Variants in ESR1 observed in about 807,000 individuals in gnomAD.
The protein encoded by ESR1 is estrogen receptor.
A neutral mutation model predicts 52.7 loss-of-function variants in ESR1; 12 were observed. The observed-to-expected ratio is 0.23, with a 90% CI of 0.15 to 0.37. ESR1 has a LOEUF of 0.37. Among genes scored for constraint, ESR1 ranks in the 10% least tolerant of loss-of-function variants. The pLI is 1.00. For synonymous variants in ESR1, 305 were observed against 316.8 expected, an observed-to-expected ratio of 0.96 and a Z score of 0.39; for missense variants, 584 against 779.7, an observed-to-expected ratio of 0.75 and a Z score of 2.99.
chr6:151,703,687 C>T (rs1475001405), intron 2 of ESR1, among the ~76,000 whole-genome samples: 1 of 152,160 alleles, frequency 6.6e-6, no homozygotes, highest in Non-Finnish European at 1.5e-5. Context: ...TTCCATCTGG[C>T]TGAGGCTGAA....
intron 4 of ESR1, among the ~76,000 whole-genome samples, chr6:151,955,856 T>A (rs2036847868): frequency 6.6e-6 from 1 of 152,188 alleles, no homozygotes; most frequent in African/African-American, 2.4e-5. Flanking sequence ...AGTATTTTTT[T>A]TTCCGAACCT....
At chr6:152,068,263 T>G (rs2048124263) in intron 6 of ESR1, among the ~76,000 whole-genome samples, 2 of 152,240 alleles carry the variant, frequency 1.3e-5, no homozygotes, top group Admixed American at 1.3e-4. Flanking sequence ...CATTTATGCA[T>G]TTTGTTTGCT....
At chr6:152,040,515 TTC>T (rs1458651121) in intron 5 of ESR1, among the ~76,000 whole-genome samples, 1 of 152,240 alleles carries the variant, frequency 6.6e-6, no homozygotes. Context: ...CCAATCATGC[TTC>T]TTTCAAGTCC....
chr6:151,865,300 T>A (rs1285924778), intron 2 of ESR1, among the ~76,000 whole-genome samples: 1 of 152,210 alleles, frequency 6.6e-6, no homozygotes, highest in Non-Finnish European at 1.5e-5. Context: ...CATATTGGTC[T>A]CACTCATTCA....
chr6:152,001,381 C>A (rs569524919), intron 4 of ESR1, among the ~76,000 whole-genome samples: 1 of 152,094 alleles, frequency 6.6e-6, no homozygotes, highest in South Asian at 2.1e-4. Context: ...GGCTAACTCA[C>A]TTTGTAACTA....
rs148163308 is a variant in ESR1, at chr6:151,793,945, C to T, written c.-70-13898C>T. On this transcript the variant is annotated intron_variant, in intron 2 of 2. Coordinates refer to the ESR1 transcript ENST00000404742. The stretch of plus-strand genomic sequence containing the variant: ...AATTCATGTACTTGCAATATAAAAA[C>T]ATATTTTAAAACATATTAGGAGAAT... Among the ~76,000 whole-genome samples the T allele has an allele frequency of 4.6e-3, 693 of 152,282 alleles. 3 individuals carry two copies. Among genetic ancestry groups the T allele is most frequent in the Non-Finnish European group, 6.8e-3 (465 of 68,014 alleles).
intron 3 of ESR1, among the ~76,000 whole-genome samples, chr6:151,900,702 T>C (rs1419719410): frequency 6.6e-6 from 1 of 152,182 alleles, no homozygotes; most frequent in Non-Finnish European, 1.5e-5. Context: ...CTGTAGTGAC[T>C]GTTATTTCTC....
chr6:151,686,284 TA>T (rs2115320887), upstream of ESR1, among the ~76,000 whole-genome samples: 1 of 152,224 alleles, frequency 6.6e-6, no homozygotes, highest in African/African-American at 2.4e-5. Flanking sequence ...TAAAAGACAG[TA>T]TACAGTGTCA....
chr6:151,900,841 A>C (rs1796566553), intron 3 of ESR1, among the ~76,000 whole-genome samples: 1 of 152,158 alleles, frequency 6.6e-6, no homozygotes, highest in Non-Finnish European at 1.5e-5. Context: ...GCTCTGATAG[A>C]GGTGGCAGGG....
At chr6:152,123,329 T>C (rs940125892) in intron 6 of ESR1, among the ~76,000 whole-genome samples, 3 of 152,226 alleles carry the variant, frequency 2.0e-5, no homozygotes, top group African/African-American at 7.2e-5. Context: ...ACACTGGTGT[T>C]GTATGATGTA....
At chr6:152,108,427 A>G (rs544467700) in intron 6 of ESR1, among the ~76,000 whole-genome samples, 28 of 152,370 alleles carry the variant, frequency 1.8e-4, no homozygotes, top group South Asian at 1.4e-3. Flanking sequence ...ATTGTTATAC[A>G]TCTTTGGTCA....
intron 4 of ESR1, among the ~76,000 whole-genome samples, chr6:152,006,758 C>A (rs538185034): frequency 6.6e-6 from 1 of 152,156 alleles, no homozygotes; most frequent in South Asian, 2.1e-4. Flanking sequence ...CAGGCAATTT[C>A]ATGACTGACA....
At chr6:151,789,133 G>A (rs1371738927) in intron 2 of ESR1, among the ~76,000 whole-genome samples, 4 of 152,144 alleles carry the variant, frequency 2.6e-5, no homozygotes, top group Non-Finnish European at 5.9e-5. Flanking sequence ...CCCAAAAGGT[G>A]AAGTGTTGGT....
chr6:151,858,601 A>G (rs1332781423), intron 2 of ESR1, among the ~76,000 whole-genome samples: 7 of 150,184 alleles, frequency 4.7e-5, no homozygotes, highest in Non-Finnish European at 1.0e-4. Context: ...TTTTTTTTAA[A>G]GCATTTTATC....
chr6:151,898,164 T>A (rs1795842801), intron 3 of ESR1, among the ~76,000 whole-genome samples: 1 of 152,184 alleles, frequency 6.6e-6, no homozygotes, highest in Admixed American at 6.5e-5. Context: ...CTTATGACAA[T>A]GTGCCTAGGC....
At chr6:151,942,102 C>A (rs995164072) in intron 3 of ESR1, among the ~76,000 whole-genome samples, 1 of 152,204 alleles carries the variant, frequency 6.6e-6, no homozygotes, top group Non-Finnish European at 1.5e-5. Context: ...GACATAGCAT[C>A]TCCCTTAATT....
intron 2 of ESR1, among the ~76,000 whole-genome samples, chr6:151,750,320 T>A (rs1486357552): frequency 6.6e-6 from 1 of 152,226 alleles, no homozygotes; most frequent in Non-Finnish European, 1.5e-5. Flanking sequence ...TGATAATCGA[T>A]GCTGTGTAAT....
chr6:152,017,208 A>G (rs1037618682), intron 5 of ESR1, among the ~76,000 whole-genome samples: 2 of 152,200 alleles, frequency 1.3e-5, no homozygotes, highest in African/African-American at 4.8e-5. Flanking sequence ...GTGTCCATTT[A>G]AAAAGAATGA....
Position 151,757,949 on chromosome 6 carries a change from G to A in ESR1, c.-70-49894G>A, listed in dbSNP as rs561873153. On this transcript the variant is annotated intron_variant, in intron 2 of 2. Coordinates refer to the ESR1 transcript ENST00000404742. The stretch of plus-strand genomic sequence containing the variant: ...GAGGCCATTTCGAGGCTGAATGTAC[G>A]GGAGTATTTACCTTTGACTGTTTTC... Among the ~76,000 whole-genome samples the A allele has an allele frequency of 3.3e-5, 5 of 152,284 alleles. No homozygotes were observed. The South Asian group carries it at 8.3e-4, about 25-fold the overall frequency.
Sources: gnomAD v4.1 joint callset for allele counts (sites outside exome capture counted in the v4.1 genomes callset) on GRCh38, gnomAD v4.1.1 for gene constraint, MANE v1.5 for transcripts, NCBI Gene and HGNC (gene_info 2026-07-23, HGNC 2026-07-21) for gene names.